CFAP53: variants seen among roughly 807,000 people sequenced by gnomAD.
The protein encoded by CFAP53 is cilia- and flagella-associated protein 53.
CFAP53 carries 62 observed loss-of-function variants against 59.7 expected under a neutral mutation model. The ratio of observed to expected loss-of-function variants is 1.04; its 90% CI spans 0.85 to 1.28. The LOEUF (loss-of-function observed/expected upper bound fraction) is 1.28. Among genes scored for constraint, CFAP53 ranks in the 50% most tolerant of loss-of-function variants. The pLI is 0.00. For synonymous variants in CFAP53, 218 were observed against 205.7 expected (o/e 1.06, Z -0.51); for missense variants, 629 against 615.6 (o/e 1.02, Z -0.23).
At chr18:50,258,296 T>G (rs2033862608) in intron 3 of CFAP53, among the ~76,000 whole-genome samples, 1 of 151,930 alleles carries the variant, frequency 6.6e-6, no homozygotes, top group South Asian at 2.1e-4. Flanking sequence ...CAGAAACAAA[T>G]CTACACACTT....
chr18:50,229,252 C>G (rs1204182043), intron 7 of CFAP53, among the ~76,000 whole-genome samples: 1 of 152,202 alleles, frequency 6.6e-6, no homozygotes, highest in Non-Finnish European at 1.5e-5. Flanking sequence ...TTTCTCCCCA[C>G]AACCCCTGGT....
At chr18:50,256,679 C>T (rs938497777) in intron 3 of CFAP53, among the ~76,000 whole-genome samples, 6 of 152,092 alleles carry the variant, frequency 3.9e-5, no homozygotes, top group Admixed American at 1.3e-4. Flanking sequence ...GGGTTTAGGG[C>T]TGTCCATATT....
chr18:50,254,019 A>G (rs1234391389), intron 3 of CFAP53, among the ~76,000 whole-genome samples: 2 of 152,196 alleles, frequency 1.3e-5, no homozygotes, highest in Non-Finnish European at 2.9e-5. Context: ...CATAAAAGAA[A>G]TATTGACAAA....
chr18:50,248,783 TAAA>T (rs748223121), intron 5 of CFAP53, among the ~76,000 whole-genome samples: 3 of 58,166 alleles, frequency 5.2e-5, no homozygotes, highest in Non-Finnish European at 7.0e-5. Context: ...AGACTCCGCC[TAAA>T]AAAAAAAAAA....
At chr18:50,243,192 T>C in intron 5 of CFAP53, 76 bp from the exon 6 acceptor site, 1 of 942,718 alleles carries the variant, frequency 1.1e-6, no homozygotes, top group Middle Eastern at 2.5e-4. Flanking sequence ...AAAAAAAATC[T>C]TTAAAAGCTC....
intron 6 of CFAP53, among the ~76,000 whole-genome samples, chr18:50,239,113 C>T (rs1333153183): frequency 1.3e-5 from 2 of 150,466 alleles, no homozygotes; most frequent in Non-Finnish European, 3.0e-5. Flanking sequence ...CTTGGCTGGG[C>T]ACAATGCCTC....
Position 50,237,387 on chromosome 18 carries a change from C to T in CFAP53, c.1316+1216G>A, listed in dbSNP as rs55665461. Among the ~76,000 whole-genome samples the T allele has an allele frequency of 6.5e-4, 3 of 4,614 alleles. No homozygotes were observed. The Non-Finnish European group carries it at 7.0e-3, about 11-fold the overall frequency. 3.0% of individuals were successfully genotyped at this position (4,614 alleles called of 152,430 possible). ...ATATATACACACACACACACACATACACACACACACACACACATATATATA... is the reference window on the plus strand; with the variant it reads ...ATATATACACACACACACACACATATACACACACACACACACATATATATA... On this transcript the variant is annotated intron_variant, in intron 7 of 7. Transcript: ENST00000398545.
intron 6 of CFAP53, 60 bp downstream of exon 6, chr18:50,242,840 G>C (rs1362136449): frequency 7.6e-7 from 1 of 1,308,078 alleles, no homozygotes; most frequent in Non-Finnish European, 1.1e-6. Flanking sequence ...TTAGTATTTT[G>C]GTTGTTACTT....
rs759260565 is a variant in CFAP53 at position 50,227,392 on chromosome 18, GCTTACTGGGGCATGC to G, written c.1519_1533del (p.Ala507_Lys511del). The G allele has an allele frequency of 1.4e-5, 22 of 1,612,280 alleles. No homozygotes were observed. The highest frequency in any genetic ancestry group is 1.8e-5 in the Non-Finnish European group (21 of 1,178,376). ...TGATGCTCACGGAACTACGGTGGAAGCTTACTGGGGCATGCCTTGCGCATGGGATGAATGTTTTGA... is the reference window on the plus strand; with the variant it reads ...TGATGCTCACGGAACTACGGTGGAAGCTTGCGCATGGGATGAATGTTTTGA... On this transcript the variant is annotated inframe_deletion, in exon 8 of 8. Coordinates refer to ENST00000398545, the MANE Select transcript of CFAP53 (RefSeq NM_145020.5).
intron 1 of CFAP53, among the ~76,000 whole-genome samples, chr18:50,263,345 A>AT (rs2033912199): frequency 6.6e-6 from 1 of 152,200 alleles, no homozygotes; most frequent in African/African-American, 2.4e-5. Context: ...TACATTTAGA[A>AT]TATCACCATC....
At chr18:50,263,236 AAC>A (rs1277153479) in intron 1 of CFAP53, among the ~76,000 whole-genome samples, 3 of 152,180 alleles carry the variant, frequency 2.0e-5, no homozygotes, top group African/African-American at 7.2e-5. Flanking sequence ...TATTTTCAGG[AAC>A]AGTTTTATCA....
chr18:50,241,586 C>T (rs2033690423), intron 6 of CFAP53, among the ~76,000 whole-genome samples: 1 of 151,948 alleles, frequency 6.6e-6, no homozygotes, highest in African/African-American at 2.4e-5. Flanking sequence ...AGAAAGAGTA[C>T]AAAGAGAGAA....
chr18:50,240,393 C>T (rs1251179134), intron 6 of CFAP53, among the ~76,000 whole-genome samples: 1 of 152,232 alleles, frequency 6.6e-6, no homozygotes, highest in African/African-American at 2.4e-5. Flanking sequence ...ATTTTTCCTG[C>T]CAAACCACTC....
In CFAP53 at chr18:50,260,863, T is replaced by G. The variant is rs1837014594; in HGVS notation, c.473+201A>C. Among the ~76,000 whole-genome samples, 3 of 152,180 alleles carry G rather than the reference T, an allele frequency of 2.0e-5. No individual in the cohort carries two copies. The South Asian group carries it at 6.2e-4, about 31-fold the overall frequency. ...TCTCCTTTGTTACTTCCATTCTAAT[T>G]GAGAAGCAAGCACAGAACATTAGAA... On this transcript the variant is annotated intron_variant, in intron 3 of 7. Transcript: ENST00000398545.
chr18:50,230,933 T>A lies in CFAP53; in HGVS notation c.1317-3324A>T, dbSNP rs886324724. Among the ~76,000 whole-genome samples, 5 of 152,272 alleles carry A rather than the reference T, an allele frequency of 3.3e-5. 1 individual carries two copies. In the South Asian group the frequency reaches 1.0e-3, roughly 32 times the overall value. ...GGCCACAGTACTGTCTCCCTCCCCATATGTGTATCCTATTTAGGGAAAAGG... is the reference window on the plus strand; with the variant it reads ...GGCCACAGTACTGTCTCCCTCCCCAAATGTGTATCCTATTTAGGGAAAAGG... On this transcript the variant is annotated intron_variant, in intron 7 of 7. Coordinates refer to ENST00000398545, the MANE Select transcript of CFAP53 (RefSeq NM_145020.5).
chr18:50,250,933 A>T lies in CFAP53; in HGVS notation c.821T>A (p.Met274Lys), dbSNP rs2033792503. 5 of 1,614,164 alleles carry T rather than the reference A, an allele frequency of 3.1e-6. No individual in the cohort carries two copies. The highest frequency in any genetic ancestry group is 1.3e-5 in the African/African-American group (1 of 75,036). The change falls in exon 5 of 8, where the codon ATG (methionine) becomes AAG (lysine). Residue 274 changes from methionine to lysine, a missense_variant. Met to Lys is a moderately conservative substitution (Grantham distance 95, BLOSUM62 -1). Transcript: ENST00000398545. Reference sequence around the variant, plus strand: ...CTGCTTTGCCTTCTGTTTCTTTAGCATATCCTGTTCATTCTCATGTTTAAT... The same window carrying T: ...CTGCTTTGCCTTCTGTTTCTTTAGCTTATCCTGTTCATTCTCATGTTTAAT... Reference protein sequence around the residue: ...AQIKHENEQDMLKKQKAKQET... With the variant: ...AQIKHENEQDKLKKQKAKQET...
chr18:50,236,622 C>T (rs990240943), intron 7 of CFAP53, among the ~76,000 whole-genome samples: 10 of 152,194 alleles, frequency 6.6e-5, no homozygotes, highest in Admixed American at 4.6e-4. Flanking sequence ...AGAGCCCACA[C>T]ATAGGGGTTC....
At position 50,227,459 on chromosome 18, in the gene CFAP53, C is replaced by T; in HGVS notation, c.1467G>A (p.Glu489=). 6.2e-7 allele frequency: 1 copy of T among 1,614,174 alleles called. No homozygotes were observed. ...GCAGCACTTGATGGGTGGACAGGAC[C>T]TCCTGGACCTTGTCCAAACACATCT... ...ANKMCLDKVQ[E]VLSTHQVLPQ... Residue 489 remains glutamate, a synonymous_variant, in exon 8 of 8, where the codon GAG becomes GAA. Coordinates refer to ENST00000398545, the MANE Select transcript of CFAP53 (RefSeq NM_145020.5).
chr18:50,257,275 A>G (rs533761116), intron 3 of CFAP53, among the ~76,000 whole-genome samples: 1 of 152,318 alleles, frequency 6.6e-6, no homozygotes, highest in South Asian at 2.1e-4. Flanking sequence ...AGCTAGAGCA[A>G]TCAGGCAAGA....
Sources: allele counts gnomAD v4.1 joint callset (sites outside exome capture counted in the v4.1 genomes callset), GRCh38; gene constraint gnomAD v4.1.1; transcripts MANE v1.5; gene names NCBI Gene and HGNC (gene_info 2026-07-23, HGNC 2026-07-21).